The following NKAIN3 variants were observed in gnomAD, a reference collection of about 807,000 sequenced individuals.
NKAIN3 encodes the protein sodium/potassium transporting ATPase interacting 3.
A neutral mutation model predicts 30.2 loss-of-function variants in NKAIN3; 25 were observed. That is an observed-to-expected ratio of 0.83 (90% CI 0.60 to 1.16). NKAIN3 has a LOEUF of 1.16. Among genes scored for constraint, NKAIN3 ranks in the 50% most tolerant of loss-of-function variants. The pLI, the probability that NKAIN3 is intolerant of heterozygous loss-of-function variation, is 0.00. For missense variants in NKAIN3, 225 were observed against 254.1 expected (o/e 0.89, Z 0.78); for synonymous variants, 91 against 89.6 (o/e 1.02, Z -0.09).
chr8:62,313,676 TA>T (rs1814521016), intron 1 of NKAIN3, among the ~76,000 whole-genome samples: 1 of 152,138 alleles, frequency 6.6e-6, no homozygotes, highest in Non-Finnish European at 1.5e-5. Flanking sequence ...TTGGGAAATT[TA>T]AAAAATATTT....
At chr8:62,533,802 C>T (rs1808560763) in intron 1 of NKAIN3, among the ~76,000 whole-genome samples, 1 of 151,902 alleles carries the variant, frequency 6.6e-6, no homozygotes, top group African/African-American at 2.4e-5. Flanking sequence ...TTTTTCAGAC[C>T]CTGAGTAAAT....
At chr8:62,605,673 A>G (rs762452310) in intron 3 of NKAIN3, among the ~76,000 whole-genome samples, 14 of 152,132 alleles carry the variant, frequency 9.2e-5, no homozygotes, top group Admixed American at 1.3e-4. Context: ...CTATTTACAT[A>G]GTATTTACAC....
chr8:62,468,213 G>A (rs556918239), intron 1 of NKAIN3, among the ~76,000 whole-genome samples: 1 of 152,152 alleles, frequency 6.6e-6, no homozygotes, highest in African/African-American at 2.4e-5. Context: ...TGTATCTAAT[G>A]CAACAATAAT....
chr8:62,705,706 T>G (rs1814496345), intron 3 of NKAIN3, among the ~76,000 whole-genome samples: 1 of 152,164 alleles, frequency 6.6e-6, no homozygotes, highest in Non-Finnish European at 1.5e-5. Flanking sequence ...CTTCTAATCT[T>G]TCTATTGAAT....
intron 1 of NKAIN3, among the ~76,000 whole-genome samples, chr8:62,265,702 A>T (rs377398934): frequency 6.6e-6 from 1 of 152,138 alleles, no homozygotes; most frequent in African/African-American, 2.4e-5. Context: ...CATGGTGAAA[A>T]CTTTTTGGCT....
intron 1 of NKAIN3, among the ~76,000 whole-genome samples, chr8:62,318,197 C>G (rs1814725241): frequency 6.6e-6 from 1 of 152,136 alleles, no homozygotes; most frequent in South Asian, 2.1e-4. Context: ...ATGGGGTTTT[C>G]TAGATATGCA....
chr8:62,572,831 G>A (rs1055656569), intron 1 of NKAIN3, among the ~76,000 whole-genome samples: 3 of 152,158 alleles, frequency 2.0e-5, no homozygotes, highest in Admixed American at 1.3e-4. Flanking sequence ...AACAACGTGG[G>A]AATTATGGGA....
At chr8:62,454,920 A>G (rs1805766155) in intron 1 of NKAIN3, among the ~76,000 whole-genome samples, 1 of 152,214 alleles carries the variant, frequency 6.6e-6, no homozygotes, top group Non-Finnish European at 1.5e-5. Flanking sequence ...TTGTATAGTG[A>G]TCTTGGCTTG....
chr8:62,812,420 A>G (rs1007587176), intron 4 of NKAIN3, among the ~76,000 whole-genome samples: 2 of 151,848 alleles, frequency 1.3e-5, no homozygotes, highest in Non-Finnish European at 1.5e-5. Context: ...AGTTTGGGGG[A>G]AAATGATATC....
At chr8:62,671,935 T>A (rs930789242) in intron 3 of NKAIN3, among the ~76,000 whole-genome samples, 6 of 152,280 alleles carry the variant, frequency 3.9e-5, no homozygotes, top group Non-Finnish European at 8.8e-5. Context: ...TCGGTCTGAC[T>A]GGTCTGGATT....
chr8:62,518,738 A>G (rs1387698221), intron 1 of NKAIN3, among the ~76,000 whole-genome samples: 1 of 152,190 alleles, frequency 6.6e-6, no homozygotes, highest in African/African-American at 2.4e-5. Flanking sequence ...TGAGACAAAA[A>G]AACGAACCTT....
intron 4 of NKAIN3, among the ~76,000 whole-genome samples, chr8:62,759,997 T>G (rs1367324336): frequency 6.6e-6 from 1 of 152,164 alleles, no homozygotes; most frequent in Non-Finnish European, 1.5e-5. Flanking sequence ...AAAGAAGACA[T>G]TTATGCAGCC....
chr8:62,722,697 T>G (rs1459176731), intron 3 of NKAIN3, among the ~76,000 whole-genome samples: 1 of 152,124 alleles, frequency 6.6e-6, no homozygotes, highest in Non-Finnish European at 1.5e-5. Context: ...GGGAGTTTCA[T>G]CTCAGTTCAT....
chr8:62,447,709 T>C (rs968375939), intron 1 of NKAIN3, among the ~76,000 whole-genome samples: 44 of 152,032 alleles, frequency 2.9e-4, no homozygotes, highest in Admixed American at 2.4e-3. Flanking sequence ...AAGCAGAAAT[T>C]CAGACATTCT....
intron 5 of NKAIN3, among the ~76,000 whole-genome samples, chr8:62,938,003 T>G (rs1221343522): frequency 6.6e-6 from 1 of 151,998 alleles, no homozygotes; most frequent in Non-Finnish European, 1.5e-5. Context: ...ATAACTCCCT[T>G]GGCCTGAGAA....
At chr8:62,921,003 G>C (rs1184454211) in intron 5 of NKAIN3, among the ~76,000 whole-genome samples, 1 of 152,144 alleles carries the variant, frequency 6.6e-6, no homozygotes, top group Non-Finnish European at 1.5e-5. Flanking sequence ...GAAGGCAGAT[G>C]TGAGCAAAAA....
intron 3 of NKAIN3, among the ~76,000 whole-genome samples, chr8:62,592,450 G>C (rs1236276738): frequency 6.6e-6 from 1 of 151,864 alleles, no homozygotes; most frequent in East Asian, 1.9e-4. Context: ...AGAAACTGAG[G>C]ACAAAAAGCT....
At chr8:62,549,717 A>G (rs1321812634) in intron 1 of NKAIN3, among the ~76,000 whole-genome samples, 4 of 151,600 alleles carry the variant, frequency 2.6e-5, no homozygotes, top group African/African-American at 7.3e-5. Flanking sequence ...TCTCTTCTCT[A>G]TCTCCTACTC....
chr8:62,267,946 A>AT (rs1326733185), intron 1 of NKAIN3, among the ~76,000 whole-genome samples: 63 of 152,300 alleles, frequency 4.1e-4, no homozygotes, highest in African/African-American at 1.5e-3. Flanking sequence ...TTTTTATTGT[A>AT]TTTTACAATA....
Sources: gnomAD v4.1 joint callset for allele counts (sites outside exome capture counted in the v4.1 genomes callset) on GRCh38, gnomAD v4.1.1 for gene constraint, MANE v1.5 for transcripts, NCBI Gene and HGNC (gene_info 2026-07-23, HGNC 2026-07-21) for gene names.